Variants in PSEN1 observed in about 807,000 individuals in gnomAD.
PSEN1 encodes the protein presenilin-1.
A neutral mutation model predicts 53.5 loss-of-function variants in PSEN1; 15 were observed. The observed-to-expected ratio is 0.28, with a 90% confidence interval of 0.19 to 0.43. The LOEUF is 0.43. Among genes scored for constraint, PSEN1 ranks in the 20% least tolerant of loss-of-function variants. The pLI, the probability that PSEN1 is intolerant of heterozygous loss-of-function variation, is 1.00. For missense variants in PSEN1, 387 were observed against 571.2 expected (o/e 0.68, Z 3.29); for synonymous variants, 208 against 209.8 (o/e 0.99, Z 0.08).
intron 10 of PSEN1, among the ~76,000 whole-genome samples, chr14:73,214,165 CATTA>C (rs745577576): frequency 1.3e-5 from 2 of 151,858 alleles, no homozygotes; most frequent in Non-Finnish European, 2.9e-5. Flanking sequence ...AACAATCTAT[CATTA>C]GTACACTTAG....
chr14:73,154,434 C>CA (rs33930642), intron 3 of PSEN1, among the ~76,000 whole-genome samples: 92,615 of 147,670 alleles, frequency 0.63, 29,492 homozygotes, highest in African/African-American at 0.77. Context: ...CTTGTCTCTA[C>CA]AAAAAAAAAA....
rs368643965 is a variant in PSEN1 at position 73,200,825 on chromosome 14, C to T, written c.868+2696C>T. Among the ~76,000 whole-genome samples, 58 of 151,900 alleles carry T rather than the reference C, an allele frequency of 3.8e-4. No homozygotes were observed. The East Asian group carries it at 3.9e-3, about 10-fold the overall frequency. Reference sequence around the variant, plus strand: ...CAGCACTTTGGGAGGCCTAGGTGGGCGGATCACTTGAGGTCAGGAGTTTGA... The same window carrying T: ...CAGCACTTTGGGAGGCCTAGGTGGGTGGATCACTTGAGGTCAGGAGTTTGA... On this transcript the variant is annotated intron_variant, in intron 8 of 11. Transcript: ENST00000324501.
chr14:73,164,402 A>G (rs1168789096), intron 3 of PSEN1, among the ~76,000 whole-genome samples: 1 of 152,246 alleles, frequency 6.6e-6, no homozygotes, highest in Non-Finnish European at 1.5e-5. Context: ...AGAGGAGATC[A>G]GTTATACCTT....
At chr14:73,147,041 A>C (rs897797353) in intron 1 of PSEN1, among the ~76,000 whole-genome samples, 3 of 144,834 alleles carry the variant, frequency 2.1e-5, no homozygotes, top group Non-Finnish European at 3.0e-5. Flanking sequence ...GGAGTCAGCC[A>C]TTCTTTTTTT....
chr14:73,161,461 G>A (rs1826075277), intron 3 of PSEN1, among the ~76,000 whole-genome samples: 1 of 151,960 alleles, frequency 6.6e-6, no homozygotes, highest in Non-Finnish European at 1.5e-5. Flanking sequence ...CAACCCTCAG[G>A]TTCAGTAATT....
chr14:73,212,093 T>C lies in PSEN1; in HGVS notation c.1129+151T>C, dbSNP rs867230071. On this transcript the variant is annotated intron_variant, in intron 10 of 11. Coordinates refer to ENST00000324501, the MANE Select transcript of PSEN1 (RefSeq NM_000021.4). ...TGGATATATCAGTAATAGTGCTTTT[T>C]TTTTTTTTTTTTTTTTTTTTTTTTT... 3,164 of 118,520 alleles carry C rather than the reference T, an allele frequency of 0.027. 26 individuals carry two copies. The highest frequency in any genetic ancestry group is 0.044 in the African/African-American group (199 of 4,532). The allele number at this position is 118,520 out of a possible 1,614,324, so 7.3% of individuals were successfully genotyped here. A position where few individuals can be genotyped will look rare whatever the true frequency, so the allele number is the denominator to read the frequency against.
chr14:73,183,080 T>C lies in PSEN1; in HGVS notation c.481-3773T>C, dbSNP rs147032287. ...AGTGAGATAAAATTTAGGCTAAAGT[T>C]GAAGTATTTGGAGGGAAATGTACAG... On this transcript the variant is annotated intron_variant, in intron 5 of 11. Transcript: ENST00000324501. 3.2e-3 allele frequency among the ~76,000 whole-genome samples: 480 copies of C among 152,216 alleles called. 2 individuals carry two copies. The highest frequency in any genetic ancestry group is 8.7e-3 in the African/African-American group (363 of 41,552).
intron 3 of PSEN1, among the ~76,000 whole-genome samples, chr14:73,153,258 G>A (rs1307108654): frequency 1.3e-5 from 2 of 152,118 alleles, no homozygotes; most frequent in South Asian, 4.2e-4. Flanking sequence ...AAATCTCAAC[G>A]ACCTCCAGAG....
chr14:73,160,803 CTTT>C (rs34048372), intron 3 of PSEN1, among the ~76,000 whole-genome samples: 1 of 84,730 alleles, frequency 1.2e-5, no homozygotes, highest in Non-Finnish European at 2.1e-5. Context: ...AATTGTAGGA[CTTT>C]TTTTTTTTTT....
At chr14:73,147,274 G>A (rs1489211723) in intron 1 of PSEN1, among the ~76,000 whole-genome samples, 2 of 152,206 alleles carry the variant, frequency 1.3e-5, no homozygotes, top group South Asian at 2.1e-4. Context: ...ATGAGCCACC[G>A]CTCCTGGCTG....
chr14:73,171,561 G>T (rs941282827), intron 4 of PSEN1, among the ~76,000 whole-genome samples: 1 of 152,196 alleles, frequency 6.6e-6, no homozygotes, highest in African/African-American at 2.4e-5. Flanking sequence ...GGACAAGGGA[G>T]GGGAAAGGGT....
At position 73,200,432 on chromosome 14, in the gene PSEN1, G is replaced by T. The variant is rs527495440; in HGVS notation, c.868+2303G>T. ...TTACAGGCGCATGCCACCACGCCTG[G>T]CTGATTTTTGTATTTTTAGTAGAGA... On this transcript the variant is annotated intron_variant, in intron 8 of 11. Coordinates refer to ENST00000324501, the MANE Select transcript of PSEN1 (RefSeq NM_000021.4). 1.1e-3 allele frequency among the ~76,000 whole-genome samples: 168 copies of T among 152,036 alleles called. 1 individual carries two copies. Among genetic ancestry groups the T allele is most frequent in the African/African-American group, 4.0e-3 (165 of 41,462 alleles).
At chr14:73,152,616 A>C (rs1370523445) in intron 3 of PSEN1, among the ~76,000 whole-genome samples, 1 of 152,112 alleles carries the variant, frequency 6.6e-6, no homozygotes, top group Non-Finnish European at 1.5e-5. Context: ...AAAAAAAGAA[A>C]AAAAAAACCC....
intron 10 of PSEN1, among the ~76,000 whole-genome samples, chr14:73,216,484 T>C (rs1402204431): frequency 1.3e-5 from 2 of 152,090 alleles, no homozygotes; most frequent in African/African-American, 4.8e-5. Flanking sequence ...TGATAGGCCA[T>C]GTGTGGTGGC....
chr14:73,157,605 T>A (rs1331009148), intron 3 of PSEN1, among the ~76,000 whole-genome samples: 1 of 152,152 alleles, frequency 6.6e-6, no homozygotes, highest in Non-Finnish European at 1.5e-5. Context: ...TTCTTCATGT[T>A]TTGTTGTAAT....
chr14:73,142,451 C>T (rs1225361257), intron 1 of PSEN1, among the ~76,000 whole-genome samples: 1 of 152,112 alleles, frequency 6.6e-6, no homozygotes, highest in Non-Finnish European at 1.5e-5. Context: ...GGTTAAAAGT[C>T]CCCTGAAGAT....
At chr14:73,174,730 A>C (rs1448517832) in intron 5 of PSEN1, among the ~76,000 whole-genome samples, 1 of 152,196 alleles carries the variant, frequency 6.6e-6, no homozygotes, top group Non-Finnish European at 1.5e-5. Flanking sequence ...CTCACTGGTG[A>C]CTGGTCACAC....
Position 73,170,860 on chromosome 14 carries a change from T to G in PSEN1, c.151T>G (p.Ser51Ala), listed in dbSNP as rs1897867942. The change falls in exon 4 of 12, where the codon TCT becomes GCT. Residue 51 changes from serine to alanine, a missense_variant. By Grantham distance (99) the Ser-to-Ala change is moderately conservative (BLOSUM62 1). This residue lies in a region of PSEN1 where 99 missense variants were observed against 101.5 expected (regional missense o/e 0.98). Coordinates refer to ENST00000324501, the MANE Select transcript of PSEN1 (RefSeq NM_000021.4). ...GAGCCTTGGCCACCCTGAGCCATTA[T>G]CTAATGGACGACCCCAGGGTAACTC... ...RRSLGHPEPL[S>A]NGRPQGNSRQ... is the part of the protein sequence containing the mutation. 6.2e-7 allele frequency: 1 copy of G among 1,614,048 alleles called. No homozygotes were observed. The highest frequency in any genetic ancestry group is 8.5e-7 in the Non-Finnish European group (1 of 1,179,990).
intron 7 of PSEN1, among the ~76,000 whole-genome samples, chr14:73,197,215 G>A (rs1017658012): frequency 2.0e-5 from 3 of 152,144 alleles, no homozygotes; most frequent in Non-Finnish European, 1.5e-5. Flanking sequence ...TTGCAGGCGT[G>A]AGCCACTGCG....
Sources: gnomAD v4.1 joint callset for allele counts (sites outside exome capture counted in the v4.1 genomes callset) on GRCh38, gnomAD v4.1.1 for gene constraint, gnomAD v4.1.1 regional missense constraint, MANE v1.5 for transcripts, NCBI Gene and HGNC (gene_info 2026-07-23, HGNC 2026-07-21) for gene names.